SREBF2: variants seen among roughly 807,000 people sequenced by gnomAD.
SREBF2 encodes sterol regulatory element-binding protein 2.
Under a neutral mutation model 113.1 loss-of-function variants are expected in SREBF2, and 55 were observed. The observed-to-expected ratio is 0.49, with a 90% CI of 0.39 to 0.61. The LOEUF is 0.61. Ranked by LOEUF, SREBF2 falls within the 20% of genes least tolerant of loss-of-function variation. The pLI is 0.00. For synonymous variants in SREBF2, 593 were observed against 605.7 expected (o/e 0.98, Z 0.31); for missense variants, 1,349 against 1,487.4 (o/e 0.91, Z 1.53).
chr22:41,860,968 C>T (rs1347625671), intron 1 of SREBF2, among the ~76,000 whole-genome samples: 1 of 152,138 alleles, frequency 6.6e-6, no homozygotes, highest in Non-Finnish European at 1.5e-5. Flanking sequence ...TGGTACAGTA[C>T]AATGGCACAC....
At chr22:41,899,466 C>A in intron 15 of SREBF2, 1 of 995,374 alleles carries the variant, frequency 1.0e-6, no homozygotes. Context: ...GACAGAAAGG[C>A]CCCACGAGGT....
chr22:41,877,150 C>T, intron 7 of SREBF2, 79 bp from the exon 8 acceptor site: 2 of 1,385,572 alleles, frequency 1.4e-6, no homozygotes, highest in South Asian at 2.4e-5. Flanking sequence ...AACCATTTCT[C>T]AATATATATA....
At chr22:41,904,813 G>C (rs2077492049) in intron 17 of SREBF2, 50 bp from the exon 18 acceptor site, 2 of 1,431,758 alleles carry the variant, frequency 1.4e-6, no homozygotes, top group African/African-American at 2.8e-5. Flanking sequence ...CCTGGGCATA[G>C]ATGGGTGGGG....
chr22:41,876,665 C>T (rs970300831), intron 7 of SREBF2, among the ~76,000 whole-genome samples: 9 of 152,132 alleles, frequency 5.9e-5, no homozygotes, highest in Admixed American at 6.5e-5. Flanking sequence ...ACACTAAATA[C>T]GGTCTTTGAT....
At position 41,833,705 on chromosome 22, in the gene SREBF2, T is replaced by G; in HGVS notation, c.88+347T>G. 3 of 201,428 alleles carry G rather than the reference T, an allele frequency of 1.5e-5. No homozygotes were observed. The highest frequency in any genetic ancestry group is 3.0e-5 in the Non-Finnish European group (3 of 99,848). The allele number at this position is 201,428 out of a possible 1,614,324, so 12.5% of individuals were successfully genotyped here. The stretch of plus-strand genomic sequence containing the variant: ...CCTCCCTCGCGCGCCCACACGCGGT[T>G]TCCGTGGTCCGCTCTCCCGCCGCCC... On this transcript the variant is annotated intron_variant, in intron 1 of 18. Transcript: ENST00000361204. This position sits in a 1 kb window ranked among gnomAD's most constrained non-coding sequence, Gnocchi z 4.1.
At chr22:41,841,277 C>A (rs2076828441) in intron 1 of SREBF2, among the ~76,000 whole-genome samples, 1 of 152,164 alleles carries the variant, frequency 6.6e-6, no homozygotes, top group South Asian at 2.1e-4. Context: ...CCCTTTTGTA[C>A]CTTTTTAAAG....
At chr22:41,880,335 T>G (rs2077233268) in intron 9 of SREBF2, among the ~76,000 whole-genome samples, 1 of 148,990 alleles carries the variant, frequency 6.7e-6, no homozygotes, top group African/African-American at 2.5e-5. Context: ...GTAGATCACT[T>G]GAGGTCAGGA....
At chr22:41,851,334 A>G (rs944694965) in intron 1 of SREBF2, among the ~76,000 whole-genome samples, 2 of 150,848 alleles carry the variant, frequency 1.3e-5, no homozygotes, top group African/African-American at 4.9e-5. Flanking sequence ...TAACCTGGGG[A>G]TTTTCCCCTT....
Position 41,905,994 on chromosome 22 carries a change from T to C in SREBF2, c.*334T>C, listed in dbSNP as rs1228867358. The C allele has an allele frequency of 1.8e-6, 1 of 544,780 alleles. No individual in the cohort carries two copies. The highest frequency in any genetic ancestry group is 2.2e-5 in the Admixed American group (1 of 44,994). 33.7% of individuals were successfully genotyped at this position (544,780 alleles called of 1,614,324 possible). On this transcript the variant is annotated 3_prime_UTR_variant, in exon 19 of 19. Coordinates refer to ENST00000361204, the MANE Select transcript of SREBF2 (RefSeq NM_004599.4). ...CTCTCTCCTGAACCCTACTCTCTCCTTTTTGCTTCCTCAGTTTTTATCAGG... is the reference window on the plus strand; with the variant it reads ...CTCTCTCCTGAACCCTACTCTCTCCCTTTTGCTTCCTCAGTTTTTATCAGG...
intron 16 of SREBF2, among the ~76,000 whole-genome samples, chr22:41,902,152 G>T (rs1268684884): frequency 6.6e-6 from 1 of 152,220 alleles, no homozygotes. Flanking sequence ...TGGGTGAGAT[G>T]AGGCTCAGCC....
intron 1 of SREBF2, among the ~76,000 whole-genome samples, chr22:41,848,091 T>G (rs1311710213): frequency 3.3e-5 from 5 of 151,930 alleles, no homozygotes; most frequent in Non-Finnish European, 7.4e-5. Flanking sequence ...AATTTTTTTT[T>G]GTATTTTTAT....
intron 18 of SREBF2, 39 bp downstream of exon 18, chr22:41,905,013 C>T (rs1373565129): frequency 2.0e-6 from 3 of 1,524,952 alleles, no homozygotes; most frequent in Non-Finnish European, 2.7e-6. Context: ...CTGGGCCAGG[C>T]CCTGCGCCCT....
At chr22:41,851,822 T>TA (rs1160674437) in intron 1 of SREBF2, among the ~76,000 whole-genome samples, 46 of 141,446 alleles carry the variant, frequency 3.3e-4, no homozygotes, top group Admixed American at 6.4e-4. Flanking sequence ...AAAGACACTT[T>TA]AAAAAAAAAA....
intron 1 of SREBF2, among the ~76,000 whole-genome samples, chr22:41,852,150 A>G (rs2076938253): frequency 6.6e-6 from 1 of 151,832 alleles, no homozygotes; most frequent in Non-Finnish European, 1.5e-5. Flanking sequence ...AGGCAAACCT[A>G]TGGGGACCTG....
rs768710669 is a variant in SREBF2, at chr22:41,875,543, A to C, written c.1205A>C (p.Lys402Thr). The C allele has an allele frequency of 6.2e-7, 1 of 1,614,180 alleles. No individual in the cohort carries two copies. ...TCACCAGGTGGGGTTTTCTTTGCAG[A>C]GCTTCTAAAGGGCATCGACCTAGGC... ...MVLKLANQKN[K>T]LLKGIDLGSL... The change falls in exon 7 of 19, where the codon AAG (lysine) becomes ACG (threonine). Residue 402 changes from lysine to threonine, a missense_variant and splice_region_variant. By Grantham distance (78) the Lys-to-Thr change is moderately conservative. Transcript: ENST00000361204.
chr22:41,887,396 C>CTAAGCCTT (rs1175005192), intron 11 of SREBF2, among the ~76,000 whole-genome samples: 23 of 152,158 alleles, frequency 1.5e-4, no homozygotes, highest in African/African-American at 5.6e-4. Context: ...GCCCCTTCCC[C>CTAAGCCTT]CAAGCCTTCC....
rs574254349 is a variant in SREBF2 at position 41,881,444 on chromosome 22, C to T, written c.2038+452C>T. 2.6e-5 allele frequency among the ~76,000 whole-genome samples: 4 copies of T among 152,244 alleles called. No homozygotes were observed. In the East Asian group the frequency reaches 5.8e-4, roughly 22 times the overall value. ...AGACTTAGCAGAAGGAACATGTTTT[C>T]GTTGGGAGGGAGTGGGTACCCGTTT... On this transcript the variant is annotated intron_variant, in intron 10 of 18. Coordinates refer to ENST00000361204, the MANE Select transcript of SREBF2 (RefSeq NM_004599.4).
rs894589210 is a variant in SREBF2, at chr22:41,905,798, G to A, written c.*138G>A. On this transcript the variant is annotated 3_prime_UTR_variant, in exon 19 of 19. Transcript: ENST00000361204. ...CGAGGCTTCTGGGCCACTCAGGCCA[G>A]TGCACCCCTGGGCAGAGCCCCTTAA... 8 of 973,580 alleles carry A rather than the reference G, an allele frequency of 8.2e-6. No homozygotes were observed. The highest frequency in any genetic ancestry group is 6.0e-5 in the Admixed American group (3 of 50,132). The allele number at this position is 973,580 out of a possible 1,614,324, so 60.3% of individuals were successfully genotyped here.
chr22:41,881,016 T>C (rs753899597), intron 10 of SREBF2, 24 bp downstream of exon 10: 4 of 1,600,622 alleles, frequency 2.5e-6, no homozygotes, highest in Non-Finnish European at 2.5e-6. Context: ...TGCTGCTGCC[T>C]GGCTTGCTGC....
Sources: gnomAD v4.1 joint callset for allele counts (sites outside exome capture counted in the v4.1 genomes callset) on GRCh38, gnomAD v4.1.1 for gene constraint, Gnocchi (gnomAD v3.1) non-coding constraint, MANE v1.5 for transcripts, NCBI Gene and HGNC (gene_info 2026-07-23, HGNC 2026-07-21) for gene names.